GALNT13: variants seen among roughly 807,000 people sequenced by gnomAD.
GALNT13 encodes the protein UDP-GalNAc:polypeptide N-acetylgalactosaminyltransferase 13.
A neutral mutation model predicts 64.2 loss-of-function variants in GALNT13; 28 were observed. The observed-to-expected ratio is 0.44, with a 90% CI of 0.32 to 0.60. The LOEUF (loss-of-function observed/expected upper bound fraction) is 0.60, where lower values mean the gene tolerates loss of function less well. Among genes scored for constraint, GALNT13 ranks in the 20% least tolerant of loss-of-function variants. The pLI is 0.05. For missense variants in GALNT13, 577 were observed against 669.8 expected (o/e 0.86, Z 1.53); for synonymous variants, 214 against 224.6 (o/e 0.95, Z 0.42).
intron 2 of GALNT13, among the ~76,000 whole-genome samples, chr2:153,931,701 A>G (rs1690532149): frequency 1.3e-5 from 2 of 152,144 alleles, no homozygotes; most frequent in African/African-American, 4.8e-5. Context: ...GATAAAGCCT[A>G]CTTGATCATG....
the GALNT13 span, among the ~76,000 whole-genome samples, chr2:153,715,414 C>T: frequency 6.6e-6 from 1 of 152,190 alleles, no homozygotes; most frequent in Non-Finnish European, 1.5e-5. Context: ...TGGCTTTGGC[C>T]CTTCCACAGT....
At chr2:153,545,723 C>T in the GALNT13 span, among the ~76,000 whole-genome samples, 4 of 152,120 alleles carry the variant, frequency 2.6e-5, no homozygotes, top group Non-Finnish European at 5.9e-5. Flanking sequence ...TGAGGTTATG[C>T]CCCAATATCT....
chr2:153,128,677 G>A, the GALNT13 span, among the ~76,000 whole-genome samples: 9 of 152,264 alleles, frequency 5.9e-5, no homozygotes, highest in East Asian at 1.9e-4. Flanking sequence ...CAGAAAGAGC[G>A]CATATTAATC....
At chr2:154,294,464 C>G (rs1692806293) in intron 8 of GALNT13, among the ~76,000 whole-genome samples, 1 of 152,180 alleles carries the variant, frequency 6.6e-6, no homozygotes, top group East Asian at 1.9e-4. Context: ...ATTTCCTGTT[C>G]TGTGTGCACG....
intron 3 of GALNT13, among the ~76,000 whole-genome samples, chr2:153,984,065 A>C (rs1694638987): frequency 1.1e-5 from 1 of 93,928 alleles, no homozygotes; most frequent in South Asian, 4.5e-4. Flanking sequence ...AGTGAAATCC[A>C]TTCAGTGCTT....
chr2:154,202,378 C>T (rs1235972779), intron 4 of GALNT13, among the ~76,000 whole-genome samples: 1 of 150,340 alleles, frequency 6.7e-6, no homozygotes, highest in Non-Finnish European at 1.5e-5. Context: ...ACTTAGCGTC[C>T]TTGAGATCAC....
intron 4 of GALNT13, among the ~76,000 whole-genome samples, chr2:154,199,942 A>T (rs1313905625): frequency 6.6e-6 from 1 of 152,038 alleles, no homozygotes; most frequent in Admixed American, 6.6e-5. Context: ...CCTTGATTTT[A>T]TAATTACCGA....
At chr2:154,114,729 T>G (rs1192952547) in intron 3 of GALNT13, among the ~76,000 whole-genome samples, 1 of 152,204 alleles carries the variant, frequency 6.6e-6, no homozygotes, top group Non-Finnish European at 1.5e-5. Context: ...CTAGAAGTTT[T>G]CTGCTTATGT....
At chr2:153,741,172 T>C in the GALNT13 span, among the ~76,000 whole-genome samples, 4 of 152,148 alleles carry the variant, frequency 2.6e-5, 1 homozygote, top group Non-Finnish European at 5.9e-5. Context: ...TAAGTCTCAC[T>C]ATCGTATTTT....
In GALNT13 at chr2:154,319,121, T is replaced by G. The variant is rs148424914; in HGVS notation, c.1156+17532T>G. On this transcript the variant is annotated intron_variant, in intron 9 of 12. Transcript: ENST00000392825. The stretch of plus-strand genomic sequence containing the variant: ...CAACGGAAACCACACATAACCCACG[T>G]TAATTGTTTATATTTAAACTTATCT... 7.7e-3 allele frequency among the ~76,000 whole-genome samples: 1,177 copies of G among 152,250 alleles called. 18 individuals are homozygous for G. The highest frequency in any genetic ancestry group is 0.027 in the African/African-American group (1,105 of 41,560).
intron 3 of GALNT13, among the ~76,000 whole-genome samples, chr2:154,132,110 A>T (rs1574564076): frequency 6.6e-6 from 1 of 152,144 alleles, no homozygotes; most frequent in African/African-American, 2.4e-5. Context: ...TTCCCAGTCC[A>T]CGGATTCAAA....
intron 9 of GALNT13, among the ~76,000 whole-genome samples, chr2:154,371,709 G>T (rs1316481654): frequency 2.0e-5 from 3 of 151,302 alleles, no homozygotes; most frequent in Non-Finnish European, 4.4e-5. Context: ...TGCTTGGTTT[G>T]CACCTATACT....
At chr2:153,439,352 A>G in the GALNT13 span, among the ~76,000 whole-genome samples, 7 of 152,154 alleles carry the variant, frequency 4.6e-5, no homozygotes, top group African/African-American at 1.7e-4. Context: ...AAGCTGTCAG[A>G]CAGGGACATT....
chr2:154,032,675 C>T (rs1698412596), intron 3 of GALNT13, among the ~76,000 whole-genome samples: 3 of 151,638 alleles, frequency 2.0e-5, no homozygotes, highest in Non-Finnish European at 1.5e-5. Flanking sequence ...CTCATAAATG[C>T]AGAAAAAGCA....
the GALNT13 span, among the ~76,000 whole-genome samples, chr2:153,440,969 A>G: frequency 7.2e-5 from 11 of 152,134 alleles, no homozygotes; most frequent in Admixed American, 2.0e-4. Flanking sequence ...CCATTTGTCA[A>G]TATTGGCTTT....
chr2:154,261,786 C>G (rs1489121241), intron 8 of GALNT13, among the ~76,000 whole-genome samples: 1 of 151,774 alleles, frequency 6.6e-6, no homozygotes, highest in Non-Finnish European at 1.5e-5. Context: ...GGTTTTTTGT[C>G]TCTGTCATGT....
At chr2:153,671,094 C>T in the GALNT13 span, among the ~76,000 whole-genome samples, 10 of 152,182 alleles carry the variant, frequency 6.6e-5, no homozygotes, top group Non-Finnish European at 1.0e-4. Flanking sequence ...CTGAAAGTGA[C>T]GGGGAGAATG....
At chr2:153,426,607 A>G in the GALNT13 span, among the ~76,000 whole-genome samples, 6 of 152,046 alleles carry the variant, frequency 3.9e-5, no homozygotes, top group Non-Finnish European at 7.4e-5. Context: ...CTGTGCTACA[A>G]TCTTCAAAAT....
the GALNT13 span, chr2:153,187,323 G>C: frequency 6.6e-6 from 1 of 152,166 alleles, no homozygotes; most frequent in Non-Finnish European, 1.5e-5. Context: ...AGAAAAGCTG[G>C]GTGTTCACCT....
Sources: gnomAD v4.1 joint callset for allele counts (sites outside exome capture counted in the v4.1 genomes callset) on GRCh38, gnomAD v4.1.1 for gene constraint, MANE v1.5 for transcripts, NCBI Gene and HGNC (gene_info 2026-07-23, HGNC 2026-07-21) for gene names.